Variants in DUOX1 observed in about 807,000 individuals in gnomAD.
DUOX1 encodes NADPH thyroid oxidase 1.
In DUOX1, 134 loss-of-function variants were observed where a neutral mutation model predicts 181.8. That is an observed-to-expected ratio of 0.74 (90% CI 0.64 to 0.85). The LOEUF (loss-of-function observed/expected upper bound fraction) is 0.85, where lower values mean the gene tolerates loss of function less well. Among genes scored for constraint, DUOX1 ranks in the 40% least tolerant of loss-of-function variants. The probability of loss-of-function intolerance (pLI) is 0.00; values close to 1 mark genes in which losing one functional copy is unlikely to be tolerated. For missense variants in DUOX1, 1,814 were observed against 2,064.4 expected (o/e 0.88, Z 2.35); for synonymous variants, 798 against 832.5 (o/e 0.96, Z 0.71).
chr15:45,163,497 G>A, intron 31 of DUOX1, 35 bp from the exon 32 acceptor site: 6 of 1,612,680 alleles, frequency 3.7e-6, no homozygotes, highest in Non-Finnish European at 5.1e-6. Flanking sequence ...AGACTGAGCT[G>A]AGATGGGTCC....
chr15:45,134,295 T>G lies in DUOX1; in HGVS notation c.293T>G (p.Leu98Trp). 6.3e-7 allele frequency: 1 copy of G among 1,599,180 alleles called. No individual in the cohort carries two copies. The highest frequency in any genetic ancestry group is 1.8e-5 in the Admixed American group (1 of 56,360). The change falls in exon 4 of 34, where the codon TTG becomes TGG. Residue 98 changes from leucine (L) to tryptophan (W), a missense_variant. Physicochemically the swap from Leu to Trp is moderately conservative, Grantham distance 61. Around this residue, in one of 5 missense-constraint regions of DUOX1, gnomAD observed 320 missense variants for 313.1 expected, o/e 1.02. Coordinates refer to ENST00000389037, the MANE Select transcript of DUOX1 (RefSeq NM_175940.3). ...GLASLRNRTV[L>W]GVFFGYHVLS... Reference sequence around the variant, plus strand: ...GCCTCCCTGAGAAACCGCACAGTGTTGGGGGTCTTCTTTGGTGAGAACTTC... The same window carrying G: ...GCCTCCCTGAGAAACCGCACAGTGTGGGGGGTCTTCTTTGGTGAGAACTTC...
At chr15:45,137,137 C>A (rs1184779509) in intron 9 of DUOX1, among the ~76,000 whole-genome samples, 5 of 143,694 alleles carry the variant, frequency 3.5e-5, no homozygotes, top group Non-Finnish European at 7.5e-5. Flanking sequence ...CACCTGAGGT[C>A]GGGAGTTAGA....
At chr15:45,133,295 C>A (rs1896200488) in intron 2 of DUOX1, among the ~76,000 whole-genome samples, 1 of 152,182 alleles carries the variant, frequency 6.6e-6, no homozygotes, top group South Asian at 2.1e-4. Context: ...AGTCCCTGGT[C>A]CTACCCAAGA....
intron 12 of DUOX1, among the ~76,000 whole-genome samples, chr15:45,140,283 G>A (rs1896455624): frequency 6.6e-6 from 1 of 152,164 alleles, no homozygotes; most frequent in Non-Finnish European, 1.5e-5. Flanking sequence ...GGCCAATAAA[G>A]AAGTGATATG....
At chr15:45,137,114 G>A (rs1896339718) in intron 9 of DUOX1, among the ~76,000 whole-genome samples, 1 of 150,030 alleles carries the variant, frequency 6.7e-6, no homozygotes, top group Non-Finnish European at 1.5e-5. Context: ...TTGGGAGGCA[G>A]AGGTGGGTGG....
chr15:45,147,377 T>G, intron 18 of DUOX1, 56 bp from the exon 19 acceptor site: 1 of 1,577,244 alleles, frequency 6.3e-7, no homozygotes, highest in South Asian at 1.2e-5. Flanking sequence ...TCAGCTGAAC[T>G]TCAAGTCAAG....
chr15:45,139,069 C>A lies in DUOX1; in HGVS notation c.1117C>A (p.Pro373Thr), dbSNP rs201698359. ...VCNSYWSREH[P>T]SLQSAEDVDA... ...TCCCCACCCCCAACCTATAAAGCACCCAAGCCTACAAAGTGCTGAAGATGT... is the reference window on the plus strand; with the variant it reads ...TCCCCACCCCCAACCTATAAAGCACACAAGCCTACAAAGTGCTGAAGATGT... The change falls in exon 11 of 34, where the codon CCA becomes ACA. Residue 373 changes from proline to threonine, a missense_variant. Pro to Thr is a conservative substitution (Grantham distance 38). This residue lies in a region of DUOX1 where 1,064 missense variants were observed against 1,152.9 expected (regional missense o/e 0.92). Coordinates refer to ENST00000389037, the MANE Select transcript of DUOX1 (RefSeq NM_175940.3). The A allele has an allele frequency of 1.2e-5, 19 of 1,613,612 alleles. No homozygotes were observed. In the East Asian group the frequency reaches 2.7e-4, roughly 23 times the overall value.
Position 45,134,240 on chromosome 15 carries a change from A to T in DUOX1, c.238A>T (p.Asn80Tyr). ...CCTGCCCAACCCCCGAGACCTTAGC[A>T]ACACCATCTCAAGGGGCCCTGCAGG... is the stretch of plus-strand genomic sequence containing the variant. The part of the protein sequence containing the change: ...PHLPNPRDLS[N>Y]TISRGPAGLA... Residue 80 changes from asparagine to tyrosine, a missense_variant, in exon 4 of 34, where the codon AAC (asparagine) becomes TAC (tyrosine). Transcript: ENST00000389037. The T allele has an allele frequency of 6.3e-7, 1 of 1,588,686 alleles. No homozygotes were observed. Among genetic ancestry groups the T allele is most frequent in the East Asian group, 2.2e-5 (1 of 44,496 alleles).
chr15:45,142,209 C>T, intron 15 of DUOX1, 97 bp downstream of exon 15: 1 of 1,361,900 alleles, frequency 7.3e-7, no homozygotes, highest in Non-Finnish European at 1.0e-6. Context: ...GCAAACCACA[C>T]AGAGCATGGT....
At chr15:45,164,485 TAAAG>T (rs1025339737) in intron 33 of DUOX1, among the ~76,000 whole-genome samples, 14 of 151,700 alleles carry the variant, frequency 9.2e-5, no homozygotes, top group African/African-American at 3.4e-4. Context: ...TTTTTTAATT[TAAAG>T]AAAGGGTATT....
chr15:45,131,804 G>A (rs1202979092), intron 1 of DUOX1, 114 bp from the exon 2 acceptor site: 2 of 703,588 alleles, frequency 2.8e-6, no homozygotes, highest in Non-Finnish European at 4.9e-6. Flanking sequence ...CTTGAACTTT[G>A]CTACCTACTG....
intron 28 of DUOX1, among the ~76,000 whole-genome samples, chr15:45,156,304 C>A (rs1453504255): frequency 6.6e-6 from 1 of 152,204 alleles, no homozygotes; most frequent in East Asian, 1.9e-4. Context: ...AGAAACTTAT[C>A]TTAAATGGGT....
chr15:45,138,907 G>A (rs1192429501), intron 10 of DUOX1, 159 bp from the exon 11 acceptor site: 5 of 648,124 alleles, frequency 7.7e-6, no homozygotes, highest in Middle Eastern at 4.2e-4. Flanking sequence ...ACCCTGAGTG[G>A]GGAATCAACC....
chr15:45,135,662 C>G lies in DUOX1; in HGVS notation c.684C>G (p.Pro228=). The stretch of plus-strand genomic sequence containing the variant: ...ACCCCGCCACCGGGCAGAACGGGCC[C>G]CGGGGGCTGTACGGTGAGGCCACAG... The part of the protein sequence containing the change: ...APDPATGQNG[P]RGLYAFGAER... The change falls in exon 6 of 34, where the codon CCC becomes CCG. Residue 228 remains proline, a synonymous_variant. Coordinates refer to ENST00000389037, the MANE Select transcript of DUOX1 (RefSeq NM_175940.3). The G allele has an allele frequency of 6.7e-7, 1 of 1,500,746 alleles. No individual in the cohort carries two copies. Among genetic ancestry groups the G allele is most frequent in the Non-Finnish European group, 8.9e-7 (1 of 1,124,546 alleles). 93.0% of individuals were successfully genotyped at this position (1,500,746 alleles called of 1,614,324 possible). A position where few individuals can be genotyped will look rare whatever the true frequency, so the allele number is the denominator to read the frequency against.
At chr15:45,147,873 G>T in intron 19 of DUOX1, 31 bp from the exon 20 acceptor site, 2 of 1,592,392 alleles carry the variant, frequency 1.3e-6, no homozygotes, top group East Asian at 2.2e-5. Flanking sequence ...GGCAGGCGGG[G>T]GCTCTCCTTA....
rs1896687821 is a variant in DUOX1, at chr15:45,147,605, A to G, written c.2495A>G (p.Asn832Ser). Residue 832 changes from asparagine to serine, a missense_variant, in exon 19 of 34, where the codon AAT becomes AGT. Physicochemically the swap from Asn to Ser is conservative, Grantham distance 46. Transcript: ENST00000389037. Reference sequence around the variant, plus strand: ...TTCTCTCTGGCTGACAAGGATGGCAATGGCTACCTGTCCTTCCGAGAGTTC... The same window carrying G: ...TTCTCTCTGGCTGACAAGGATGGCAGTGGCTACCTGTCCTTCCGAGAGTTC... ...SMFSLADKDG[N>S]GYLSFREFLD... is the part of the protein sequence containing the mutation. 1 of 1,614,180 alleles carries G rather than the reference A, an allele frequency of 6.2e-7. No homozygotes were observed. The highest frequency in any genetic ancestry group is 8.5e-7 in the Non-Finnish European group (1 of 1,180,012).
intron 1 of DUOX1, among the ~76,000 whole-genome samples, chr15:45,130,574 G>A (rs999199853): frequency 3.3e-4 from 50 of 152,302 alleles, no homozygotes; most frequent in African/African-American, 1.2e-3. Context: ...TGGTTCTGCC[G>A]CTGGCTCTGC....
rs568003445 is a variant in DUOX1, at chr15:45,137,676, TGAGAGAGAGTCA to T, written c.1023-237_1023-226del. Among the ~76,000 whole-genome samples, 90 of 152,240 alleles carry T rather than the reference TGAGAGAGAGTCA, an allele frequency of 5.9e-4. 1 individual carries two copies. The East Asian group carries it at 0.016, about 27-fold the overall frequency. ...TATATGTGTGTGTATATACATATAT[TGAGAGAGAGTCA>T]GAGAGAGAGTGTGTGTGTTAATGAG... On this transcript the variant is annotated intron_variant, in intron 9 of 33. Coordinates refer to ENST00000389037, the MANE Select transcript of DUOX1 (RefSeq NM_175940.3).
chr15:45,159,579 A>G (rs915331714), intron 28 of DUOX1, among the ~76,000 whole-genome samples: 12 of 152,226 alleles, frequency 7.9e-5, no homozygotes, highest in African/African-American at 2.7e-4. Context: ...GCAAGTGGGA[A>G]GAATGTGACC....
Sources: gnomAD v4.1 joint callset for allele counts (sites outside exome capture counted in the v4.1 genomes callset) on GRCh38, gnomAD v4.1.1 for gene constraint, gnomAD v4.1.1 regional missense constraint, MANE v1.5 for transcripts, NCBI Gene and HGNC (gene_info 2026-07-23, HGNC 2026-07-21) for gene names.